GBP7: variants seen among roughly 807,000 people sequenced by gnomAD.
The protein encoded by GBP7 is guanylate-binding protein 7.
Under a neutral mutation model 61.3 loss-of-function variants are expected in GBP7, and 43 were observed. The observed-to-expected ratio is 0.70, with a 90% CI of 0.55 to 0.91. The LOEUF (loss-of-function observed/expected upper bound fraction) is 0.91, where lower values mean the gene tolerates loss of function less well. Among genes scored for constraint, GBP7 ranks in the 40% least tolerant of loss-of-function variants. The pLI is 0.00. For missense variants in GBP7, 717 were observed against 740.5 expected (o/e 0.97, Z 0.37); for synonymous variants, 267 against 271.0 (o/e 0.99, Z 0.14).
chr1:89,152,323 A>C lies in GBP7; in HGVS notation c.570T>G (p.Asp190Glu), dbSNP rs540928843. ...ACTCATCTTCTGTGATGGGGTGTCC[A>C]TCTAACTTCAGCTCCAGGGTAAAAT... is the stretch of plus-strand genomic sequence containing the variant. ...VRDFTLELKL[D>E]GHPITEDEYL... Residue 190 changes from aspartate (D) to glutamate (E), a missense_variant, in exon 5 of 11, where the codon GAT (aspartate) becomes GAG (glutamate). This residue lies in a region of GBP7 where 387 missense variants were observed against 385.2 expected (regional missense o/e 1.00). Transcript: ENST00000294671. The C allele has an allele frequency of 2.8e-4, 459 of 1,614,146 alleles. 4 individuals are homozygous for C. In the South Asian group the frequency reaches 4.6e-3, roughly 16 times the overall value.
Position 89,158,333 on chromosome 1 carries a change from C to A in GBP7, c.319-5556G>T, listed in dbSNP as rs868312323. 2.6e-5 allele frequency among the ~76,000 whole-genome samples: 4 copies of A among 152,272 alleles called. No homozygotes were observed. In the Middle Eastern group the frequency reaches 0.01, roughly 388 times the overall value. On this transcript the variant is annotated intron_variant, in intron 3 of 10. Coordinates refer to ENST00000294671, the MANE Select transcript of GBP7 (RefSeq NM_207398.3). The stretch of plus-strand genomic sequence containing the variant: ...GATGCCCTCTCTCACCACTCCTATT[C>A]AACATAGTGTTGGAAGTTCTGGCCA...
chr1:89,133,431 C>T lies in GBP7; in HGVS notation c.1489G>A (p.Ala497Thr). The T allele has an allele frequency of 6.2e-7, 1 of 1,614,012 alleles. No homozygotes were observed. Among genetic ancestry groups the T allele is most frequent in the Non-Finnish European group, 8.5e-7 (1 of 1,179,974 alleles). Residue 497 changes from alanine to threonine, a missense_variant, in exon 10 of 11, where the codon GCA (alanine) becomes ACA (threonine). Ala to Thr is a moderately conservative substitution (Grantham distance 58, BLOSUM62 0). Around this residue, in one of 3 missense-constraint regions of GBP7, gnomAD observed 312 missense variants for 310.1 expected, o/e 1.01. Transcript: ENST00000294671. ...AGCAGCTCCTGTTCCTTTTCAGCTG[C>T]CTCCTTCTTAGCCTGCTTAGCTGTT... ...AIAAKQAKKE[A>T]AEKEQELLRQ... is the part of the protein sequence containing the mutation.
chr1:89,146,960 C>G (rs910213487), intron 8 of GBP7, among the ~76,000 whole-genome samples: 1 of 152,186 alleles, frequency 6.6e-6, no homozygotes, highest in Admixed American at 6.5e-5. Context: ...ATCAGCTCCA[C>G]CACTTGGTGA....
chr1:89,148,381 C>T (rs1286083533), intron 7 of GBP7, among the ~76,000 whole-genome samples: 1 of 152,180 alleles, frequency 6.6e-6, no homozygotes. Flanking sequence ...CCCAGGATTT[C>T]CCCTCCGAGG....
At chr1:89,152,811 GC>G in intron 3 of GBP7, 34 bp from the exon 4 acceptor site, 1 of 1,479,176 alleles carries the variant, frequency 6.8e-7, no homozygotes, top group Non-Finnish European at 9.3e-7. Flanking sequence ...AAAAATGGAA[GC>G]CACAGTTTAG....
chr1:89,158,513 C>T (rs1224929473), intron 3 of GBP7, among the ~76,000 whole-genome samples: 1 of 152,184 alleles, frequency 6.6e-6, no homozygotes, highest in African/African-American at 2.4e-5. Context: ...TCAGCAAAGT[C>T]TCAGGATACA....
intron 3 of GBP7, among the ~76,000 whole-genome samples, chr1:89,155,875 C>T (rs1226332720): frequency 1.3e-5 from 2 of 152,044 alleles, no homozygotes; most frequent in Admixed American, 6.6e-5. Context: ...AGATACTCCT[C>T]GAGAAAAGCA....
At chr1:89,141,984 T>C (rs1681965634) in intron 8 of GBP7, among the ~76,000 whole-genome samples, 1 of 152,176 alleles carries the variant, frequency 6.6e-6, no homozygotes, top group Non-Finnish European at 1.5e-5. Flanking sequence ...TTCTTTTTTC[T>C]TTTGCCTGAA....
At chr1:89,160,529 A>G (rs141310312) in intron 3 of GBP7, among the ~76,000 whole-genome samples, 58 of 152,200 alleles carry the variant, frequency 3.8e-4, no homozygotes, top group African/African-American at 1.3e-3. Context: ...CTCTCTACTC[A>G]GTGTCCTTAT....
At chr1:89,137,918 A>C (rs1344287344) in intron 9 of GBP7, among the ~76,000 whole-genome samples, 1 of 152,148 alleles carries the variant, frequency 6.6e-6, no homozygotes, top group Non-Finnish European at 1.5e-5. Flanking sequence ...TTCTGCCCAA[A>C]GTCTCATCCA....
intron 3 of GBP7, among the ~76,000 whole-genome samples, chr1:89,163,648 T>G (rs1357475754): frequency 6.6e-6 from 1 of 151,530 alleles, no homozygotes; most frequent in African/African-American, 2.4e-5. Flanking sequence ...ATACTCAGAC[T>G]AATATAAATA....
intron 3 of GBP7, among the ~76,000 whole-genome samples, chr1:89,160,152 A>G (rs1031237784): frequency 6.6e-6 from 1 of 152,172 alleles, no homozygotes; most frequent in Admixed American, 6.5e-5. Flanking sequence ...ATAGGTGGGA[A>G]TTGAACAATG....
chr1:89,169,252 T>A (rs1647532866), intron 2 of GBP7, among the ~76,000 whole-genome samples: 1 of 152,218 alleles, frequency 6.6e-6, no homozygotes, highest in Non-Finnish European at 1.5e-5. Flanking sequence ...GTGTATGTAT[T>A]TATGTTTGCA....
At chr1:89,172,800 G>T (rs1647642379) in intron 1 of GBP7, among the ~76,000 whole-genome samples, 1 of 149,156 alleles carries the variant, frequency 6.7e-6, no homozygotes, top group African/African-American at 2.5e-5. Context: ...TTTTATTGAT[G>T]ATTCTTTTTG....
At chr1:89,165,331 C>T (rs544192992) in intron 2 of GBP7, among the ~76,000 whole-genome samples, 1 of 152,100 alleles carries the variant, frequency 6.6e-6, no homozygotes, top group African/African-American at 2.4e-5. Flanking sequence ...GAAATCCTGT[C>T]TCTACTAAAA....
chr1:89,149,200 A>G, intron 7 of GBP7, 92 bp downstream of exon 7: 1 of 1,100,684 alleles, frequency 9.1e-7, no homozygotes, highest in Non-Finnish European at 1.3e-6. Flanking sequence ...CTTTACTACA[A>G]GAAGGAGATG....
chr1:89,153,967 A>T (rs1013310403), intron 3 of GBP7, among the ~76,000 whole-genome samples: 2 of 152,334 alleles, frequency 1.3e-5, no homozygotes, highest in Non-Finnish European at 2.9e-5. Flanking sequence ...TGATCATATA[A>T]TGACATTACA....
At chr1:89,161,371 C>G (rs1647261876) in intron 3 of GBP7, among the ~76,000 whole-genome samples, 1 of 152,160 alleles carries the variant, frequency 6.6e-6, no homozygotes, top group East Asian at 1.9e-4. Context: ...AATGGTTTAA[C>G]TAATTTACAC....
At chr1:89,162,430 A>G (rs1465078348) in intron 3 of GBP7, among the ~76,000 whole-genome samples, 1 of 152,022 alleles carries the variant, frequency 6.6e-6, no homozygotes, top group African/African-American at 2.4e-5. Flanking sequence ...TTTTCCATTT[A>G]TTTGTGTCAT....
Sources: gnomAD v4.1 joint callset for allele counts (sites outside exome capture counted in the v4.1 genomes callset) on GRCh38, gnomAD v4.1.1 for gene constraint, gnomAD v4.1.1 regional missense constraint, MANE v1.5 for transcripts, NCBI Gene and HGNC (gene_info 2026-07-23, HGNC 2026-07-21) for gene names.